Variants in MYO18A observed in about 807,000 individuals in gnomAD.
MYO18A encodes myosin XVIIIA.
Under a neutral mutation model 235.8 loss-of-function variants are expected in MYO18A, and 78 were observed. The ratio of observed to expected loss-of-function variants is 0.33; its 90% CI spans 0.28 to 0.40. The LOEUF is 0.40. Among genes scored for constraint, MYO18A ranks in the 10% least tolerant of loss-of-function variants. MYO18A has a pLI of 1.00. For synonymous variants in MYO18A, 977 were observed against 1,077.8 expected, an observed-to-expected ratio of 0.91 and a Z score of 1.83; for missense variants, 2,215 against 2,699.3, an observed-to-expected ratio of 0.82 and a Z score of 3.98.
chr17:29,094,526 A>T, intron 30 of MYO18A, 124 bp downstream of exon 30: 1 of 945,738 alleles, frequency 1.1e-6, no homozygotes, highest in Non-Finnish European at 1.6e-6. Context: ...TTTTGTGAGT[A>T]GGTGAGTGAG....
intron 2 of MYO18A, chr17:29,128,163 T>C (rs1045089046): frequency 1.8e-6 from 2 of 1,116,110 alleles, no homozygotes; most frequent in Non-Finnish European, 2.2e-6. Context: ...GCTGCCTCCT[T>C]CTTCACTTCA....
At chr17:29,092,209 A>AGCAAGTCCTGGCGTGAAAGGACCTGTC (rs2066414074) in intron 34 of MYO18A, 134 bp downstream of exon 34, 1 of 661,798 alleles carries the variant, frequency 1.5e-6, no homozygotes, top group African/African-American at 1.8e-5. Context: ...CTCTTCCTGC[A>AGCAAGTCCTGGCGTGAAAGGACCTGTC]GCAAGTCCTG....
chr17:29,151,622 G>A (rs1256320203), intron 2 of MYO18A, among the ~76,000 whole-genome samples: 2 of 152,158 alleles, frequency 1.3e-5, no homozygotes, highest in Non-Finnish European at 2.9e-5. Flanking sequence ...ACCCCAAGGC[G>A]TCCCAGGCCT....
At position 29,093,398 on chromosome 17, in the gene MYO18A, T is replaced by C. The variant is rs762224931; in HGVS notation, c.4851A>G (p.Glu1617=). 3 of 1,611,862 alleles carry C rather than the reference T, an allele frequency of 1.9e-6. No homozygotes were observed. The highest frequency in any genetic ancestry group is 2.2e-5 in the South Asian group (2 of 91,056). Residue 1617 remains glutamate (E), a synonymous_variant, in exon 32 of 42, where the codon GAA becomes GAG. Coordinates refer to ENST00000527372, the MANE Select transcript of MYO18A (RefSeq NM_078471.4). Reference sequence around the variant, plus strand: ...GAACCTTCTGCTTGTCCTCATACTCTTCCTCTAGCTGCACCTCCATCTGTT... The same window carrying C: ...GAACCTTCTGCTTGTCCTCATACTCCTCCTCTAGCTGCACCTCCATCTGTT... The part of the protein sequence containing the change: ...KLKQMEVQLE[E]EYEDKQKVLR...
intron 2 of MYO18A, among the ~76,000 whole-genome samples, chr17:29,150,532 A>C (rs1304381003): frequency 1.3e-5 from 2 of 152,256 alleles, no homozygotes; most frequent in Non-Finnish European, 2.9e-5. Flanking sequence ...GGAAGGGGAA[A>C]TGCCACCATC....
At chr17:29,153,079 A>G (rs1483524369) in intron 2 of MYO18A, among the ~76,000 whole-genome samples, 1 of 152,150 alleles carries the variant, frequency 6.6e-6, no homozygotes, top group Non-Finnish European at 1.5e-5. Flanking sequence ...GTATTGATTC[A>G]TTTAATCCTC....
At chr17:29,089,172 C>T (rs926391724) in intron 37 of MYO18A, among the ~76,000 whole-genome samples, 1 of 151,382 alleles carries the variant, frequency 6.6e-6, no homozygotes, top group African/African-American at 2.4e-5. Context: ...ATATTTCATG[C>T]CTGTAATCCC....
At chr17:29,090,202 G>T in intron 36 of MYO18A, 104 bp from the exon 37 acceptor site, 1 of 1,317,762 alleles carries the variant, frequency 7.6e-7, no homozygotes, top group South Asian at 1.4e-5. Flanking sequence ...GGCAAGGGGA[G>T]GGAGGGATGC....
At chr17:29,172,375 G>A (rs1406176343) in intron 1 of MYO18A, among the ~76,000 whole-genome samples, 1 of 151,714 alleles carries the variant, frequency 6.6e-6, no homozygotes, top group Admixed American at 6.6e-5. Context: ...TGAGGCAGGA[G>A]AATCGCTGAA....
At chr17:29,101,939 GC>G (rs534399790) in intron 21 of MYO18A, among the ~76,000 whole-genome samples, 1 of 152,070 alleles carries the variant, frequency 6.6e-6, no homozygotes, top group Non-Finnish European at 1.5e-5. Context: ...GAGGCTCTGA[GC>G]CCCCCCAGAG....
In MYO18A at chr17:29,118,206, C is replaced by T. The variant is rs569349125; in HGVS notation, c.1894-17G>A. 1 of 1,594,348 alleles carries T rather than the reference C, an allele frequency of 6.3e-7. No homozygotes were observed. Among genetic ancestry groups the T allele is most frequent in the Non-Finnish European group, 8.6e-7 (1 of 1,169,208 alleles). On this transcript the variant is annotated splice_polypyrimidine_tract_variant and intron_variant, in intron 9 of 41. Coordinates refer to ENST00000527372, the MANE Select transcript of MYO18A (RefSeq NM_078471.4). This position sits in a 1 kb window ranked among gnomAD's most constrained non-coding sequence, Gnocchi z 4.2. ...TTCCTCAGGCTGTGGAGATAGATGA[C>T]CTCAAAGGGCTGTCCCTCCCAGCAC... is the stretch of plus-strand genomic sequence containing the variant.
intron 1 of MYO18A, among the ~76,000 whole-genome samples, chr17:29,172,455 A>G (rs896451885): frequency 6.6e-6 from 1 of 151,150 alleles, no homozygotes; most frequent in Non-Finnish European, 1.5e-5. Context: ...ACAGAACAAG[A>G]CTCTGTCTAA....
rs1199313943 is a variant in MYO18A at position 29,106,355 on chromosome 17, G to C, written c.3441+725C>G. On this transcript the variant is annotated intron_variant, in intron 20 of 41. Transcript: ENST00000527372. The surrounding 1 kb of genome is among the most constrained non-coding windows in gnomAD (Gnocchi z 4.6). ...CCATGAATTCAGGTCTTTAAGGCAG[G>C]GGTGGAGGGGCAGGGGGGCACACAC... Among the ~76,000 whole-genome samples, 1 of 152,214 alleles carries C rather than the reference G, an allele frequency of 6.6e-6. No homozygotes were observed. The highest frequency in any genetic ancestry group is 1.5e-5 in the Non-Finnish European group (1 of 68,044).
chr17:29,140,603 G>A lies in MYO18A; in HGVS notation c.1000-18350C>T, dbSNP rs531251856. On this transcript the variant is annotated intron_variant, in intron 2 of 41. Transcript: ENST00000527372. The surrounding 1 kb of genome is among the most constrained non-coding windows in gnomAD (Gnocchi z 4.2). ...AAGGCTCTTAGGGTAAAGCCATTGG[G>A]GTGGGGGGCAGGCAGTGTTAGGGGG... 5.7e-5 allele frequency: 14 copies of A among 246,160 alleles called. No individual in the cohort carries two copies. Among genetic ancestry groups the A allele is most frequent in the African/African-American group, 3.3e-4 (14 of 42,900 alleles). The allele number at this position is 246,160 out of a possible 1,614,324, so 15.2% of individuals were successfully genotyped here. A position where few individuals can be genotyped will look rare whatever the true frequency, so the allele number is the denominator to read the frequency against.
At chr17:29,079,073 G>C (rs1025516333) in intron 41 of MYO18A, among the ~76,000 whole-genome samples, 4 of 152,186 alleles carry the variant, frequency 2.6e-5, no homozygotes, top group African/African-American at 9.7e-5. Flanking sequence ...GCAGGGTAGG[G>C]GAGGGAGAGC....
Position 29,114,017 on chromosome 17 carries a change from C to A in MYO18A, c.2592G>T (p.Gln864His), listed in dbSNP as rs369002205. 14 of 1,596,390 alleles carry A rather than the reference C, an allele frequency of 8.8e-6. No homozygotes were observed. In the African/African-American group the frequency reaches 1.2e-4, roughly 14 times the overall value. ...CCCTCTCTGGAGCTCCTACCAGGGA[C>A]TGATGGGAGGCCTGGTCCACAGCAG... is the stretch of plus-strand genomic sequence containing the variant. ...SVAAVDQASHQSLVRSLARTD... is the reference protein window; with the variant it reads ...SVAAVDQASHHSLVRSLARTD... The change falls in exon 15 of 42, where the codon CAG (glutamine) becomes CAT (histidine). Residue 864 changes from glutamine (Q) to histidine (H), a missense_variant. Coordinates refer to ENST00000527372, the MANE Select transcript of MYO18A (RefSeq NM_078471.4).
At position 29,154,316 on chromosome 17, in the gene MYO18A, G is replaced by A. The variant is rs141374528; in HGVS notation, c.999+11626C>T. 2.2e-3 allele frequency among the ~76,000 whole-genome samples: 340 copies of A among 152,200 alleles called. 2 individuals are homozygous for A. Among genetic ancestry groups the A allele is most frequent in the Middle Eastern group, 0.01 (3 of 294 alleles). On this transcript the variant is annotated intron_variant, in intron 2 of 41. Transcript: ENST00000527372. The stretch of plus-strand genomic sequence containing the variant: ...CCGCACAGGGTGGCTCACCTCCCTC[G>A]AGGGAGGGCAAGGGCATTTGGGGTG...
At position 29,104,024 on chromosome 17, in the gene MYO18A, G is replaced by A. The variant is rs377498835; in HGVS notation, c.3442-360C>T. Among the ~76,000 whole-genome samples the A allele has an allele frequency of 1.5e-4, 23 of 152,328 alleles. 1 individual carries two copies. The highest frequency in any genetic ancestry group is 3.4e-3 in the Middle Eastern group (1 of 294). ...ATTTCAGGCAGAGGAACCAGTGTAC[G>A]CAAAGGCCTGGGAGCACAAGACAGC... On this transcript the variant is annotated intron_variant, in intron 20 of 41. Transcript: ENST00000527372.
chr17:29,111,388 G>C lies in MYO18A; in HGVS notation c.2900+36C>G, dbSNP rs1405041281. 4 of 1,603,402 alleles carry C rather than the reference G, an allele frequency of 2.5e-6. No homozygotes were observed. The highest frequency in any genetic ancestry group is 2.6e-6 in the Non-Finnish European group (3 of 1,175,116). ...GAGCCCCAAAATCAAAACAGTCCTG[G>C]GTACAGAACAGGGGCGGAGGGAGTG... is the stretch of plus-strand genomic sequence containing the variant. On this transcript the variant is annotated intron_variant, in intron 17 of 41. Transcript: ENST00000527372. The surrounding 1 kb of genome is among the most constrained non-coding windows in gnomAD (Gnocchi z 5.1).
Sources: allele counts gnomAD v4.1 joint callset (sites outside exome capture counted in the v4.1 genomes callset), GRCh38; gene constraint gnomAD v4.1.1; non-coding constraint Gnocchi (gnomAD v3.1); transcripts MANE v1.5; gene names NCBI Gene and HGNC (gene_info 2026-07-23, HGNC 2026-07-21).